Variants in MAP3K1 observed in about 807,000 individuals in gnomAD.
MAP3K1 encodes the protein MAP/ERK kinase kinase 1.
In MAP3K1, 36 loss-of-function variants were observed where a neutral mutation model predicts 144.2. The observed-to-expected ratio is 0.25, with a 90% confidence interval of 0.19 to 0.33. The LOEUF (loss-of-function observed/expected upper bound fraction) is 0.33, where lower values mean the gene tolerates loss of function less well. Ranked by LOEUF, MAP3K1 falls within the 10% of genes least tolerant of loss-of-function variation. The pLI, the probability that MAP3K1 is intolerant of heterozygous loss-of-function variation, is 1.00. For missense variants in MAP3K1, 1,650 were observed against 1,881.9 expected (o/e 0.88, Z 2.28); for synonymous variants, 718 against 688.7 (o/e 1.04, Z -0.67).
chr5:56,867,937 G>A (rs921466852), intron 6 of MAP3K1, among the ~76,000 whole-genome samples: 3 of 152,108 alleles, frequency 2.0e-5, no homozygotes, highest in Non-Finnish European at 4.4e-5. Flanking sequence ...TTTGGAGAAC[G>A]TTGAATGGCC....
At chr5:56,823,254 G>A (rs776211957) in intron 1 of MAP3K1, among the ~76,000 whole-genome samples, 1 of 152,122 alleles carries the variant, frequency 6.6e-6, no homozygotes, top group Non-Finnish European at 1.5e-5. Flanking sequence ...CCCTTGTTCC[G>A]TGGCAGGGTT....
chr5:56,868,308 T>C (rs747738099), intron 6 of MAP3K1, among the ~76,000 whole-genome samples: 18 of 152,126 alleles, frequency 1.2e-4, no homozygotes, highest in Admixed American at 5.9e-4. Flanking sequence ...GTAATTTTGC[T>C]TCAGAAAAAA....
intron 17 of MAP3K1, among the ~76,000 whole-genome samples, chr5:56,886,728 AT>A (rs1748388293): frequency 6.6e-6 from 1 of 152,086 alleles, no homozygotes; most frequent in Non-Finnish European, 1.5e-5. Context: ...TTTAAGAAAA[AT>A]TCCTTCAAAT....
At chr5:56,874,944 G>A (rs185734409) in intron 9 of MAP3K1, 88 bp from the exon 10 acceptor site, 1,020 of 1,325,424 alleles carry the variant, frequency 7.7e-4, no homozygotes, top group Non-Finnish European at 8.9e-4. Flanking sequence ...CAGTTTTTAC[G>A]TAGTAATCAA....
At chr5:56,854,446 A>AAAG (rs1747272824) in intron 1 of MAP3K1, among the ~76,000 whole-genome samples, 1 of 151,276 alleles carries the variant, frequency 6.6e-6, no homozygotes, top group Admixed American at 6.6e-5. Context: ...AAAAAAAAAA[A>AAAG]AAAAGAAAGA....
chr5:56,870,978 A>G (rs1048093478), intron 6 of MAP3K1, among the ~76,000 whole-genome samples: 2 of 152,152 alleles, frequency 1.3e-5, no homozygotes, highest in Admixed American at 1.3e-4. Context: ...TTTCTGTGCC[A>G]TTATCAGGGC....
chr5:56,847,042 T>A (rs1207209238), intron 1 of MAP3K1, among the ~76,000 whole-genome samples: 1 of 152,234 alleles, frequency 6.6e-6, no homozygotes, highest in Admixed American at 6.5e-5. Context: ...ATAACCAAGC[T>A]TTTACACTAC....
chr5:56,887,574 C>T, intron 18 of MAP3K1, 54 bp downstream of exon 18: 1 of 1,581,052 alleles, frequency 6.3e-7, no homozygotes, highest in Non-Finnish European at 8.7e-7. Flanking sequence ...TTCTGTGTAA[C>T]AGCATTATAC....
chr5:56,822,465 G>A (rs1275392485), intron 1 of MAP3K1, among the ~76,000 whole-genome samples: 1 of 152,188 alleles, frequency 6.6e-6, no homozygotes, highest in Non-Finnish European at 1.5e-5. Flanking sequence ...GTCAAATATT[G>A]AGAAAACTGA....
In MAP3K1 at chr5:56,875,330, AATCAT is replaced by A; in HGVS notation, c.1965+26_1965+30del. On this transcript the variant is annotated intron_variant, in intron 10 of 19. Transcript: ENST00000399503. ...GCTTTAGTAAGTAGCTTTATTCCAT[AATCAT>A]ATCATTATGGGTTTGGGGTTTTTTG... 6.2e-7 allele frequency: 1 copy of A among 1,612,884 alleles called. No homozygotes were observed. The highest frequency in any genetic ancestry group is 8.5e-7 in the Non-Finnish European group (1 of 1,179,586).
intron 19 of MAP3K1, among the ~76,000 whole-genome samples, chr5:56,892,763 A>G (rs550122393): frequency 3.9e-4 from 59 of 152,292 alleles, no homozygotes; most frequent in Non-Finnish European, 7.4e-4. Context: ...GAAAGACACT[A>G]TCTCTGCCTG....
chr5:56,833,457 A>T (rs1196280793), intron 1 of MAP3K1, among the ~76,000 whole-genome samples: 1 of 152,150 alleles, frequency 6.6e-6, no homozygotes, highest in Non-Finnish European at 1.5e-5. Context: ...AGCCTTGCAC[A>T]GTAGTAAGGG....
At chr5:56,848,697 A>G (rs534170125) in intron 1 of MAP3K1, among the ~76,000 whole-genome samples, 3 of 152,302 alleles carry the variant, frequency 2.0e-5, no homozygotes, top group African/African-American at 7.2e-5. Context: ...GCTGGAGAAT[A>G]CTTTTAATTT....
chr5:56,857,615 T>A (rs138269203), intron 2 of MAP3K1, among the ~76,000 whole-genome samples: 1 of 152,202 alleles, frequency 6.6e-6, no homozygotes, highest in Non-Finnish European at 1.5e-5. Context: ...ACATTTAAAT[T>A]AATTAGATGT....
rs573243743 is a variant in MAP3K1, at chr5:56,831,524, T to C, written c.482+15469T>C. Among the ~76,000 whole-genome samples the C allele has an allele frequency of 3.9e-5, 6 of 152,354 alleles. No homozygotes were observed. The East Asian group carries it at 7.7e-4, about 20-fold the overall frequency. On this transcript the variant is annotated intron_variant, in intron 1 of 19. Transcript: ENST00000399503. ...TGTTCATTTTGTAATTCGAGTTTAA[T>C]CAGACCAACTATCAGGCAGGCATTT... is the stretch of plus-strand genomic sequence containing the variant.
At position 56,881,453 on chromosome 5, in the gene MAP3K1, C is replaced by T. The variant is rs1561199066; in HGVS notation, c.2370-117C>T. The T allele has an allele frequency of 5.9e-6, 6 of 1,015,568 alleles. No homozygotes were observed. The Admixed American group carries it at 1.0e-4, about 18-fold the overall frequency. 62.9% of individuals were successfully genotyped at this position (1,015,568 alleles called of 1,614,324 possible). On this transcript the variant is annotated intron_variant, in intron 13 of 19. Transcript: ENST00000399503. ...CTCTTTAATTAAAAATTCATAGATA[C>T]TTTATGCTGAAATGGTTTTTGAAGT...
rs1427132805 is a variant in MAP3K1 at position 56,882,438 on chromosome 5, A to G, written c.3238A>G (p.Ser1080Gly). 6.2e-7 allele frequency: 1 copy of G among 1,614,196 alleles called. No individual in the cohort carries two copies. Among genetic ancestry groups the G allele is most frequent in the South Asian group, 1.1e-5 (1 of 91,090 alleles). Residue 1080 changes from serine (S) to glycine (G), a missense_variant, in exon 14 of 20, where the codon AGC (serine) becomes GGC (glycine). Ser to Gly is a moderately conservative substitution (Grantham distance 56, BLOSUM62 0). Transcript: ENST00000399503. ...TSKQGDPSKN[S>G]MTLDLNSSSK... ...TAAACAGGGAGATCCCTCAAAAAAT[A>G]GCATGACACTTGATCTGAACAGTAG...
intron 1 of MAP3K1, chr5:56,820,752 T>G: frequency 5.1e-6 from 5 of 985,428 alleles, no homozygotes; most frequent in Non-Finnish European, 6.0e-6. Flanking sequence ...ATTTATGAAC[T>G]TCTGCAAGGT....
At chr5:56,851,281 T>G (rs1747162551) in intron 1 of MAP3K1, among the ~76,000 whole-genome samples, 3 of 152,208 alleles carry the variant, frequency 2.0e-5, no homozygotes, top group Non-Finnish European at 4.4e-5. Context: ...AAATGTCCCC[T>G]GTGTGCCAGG....
Sources: allele counts gnomAD v4.1 joint callset (sites outside exome capture counted in the v4.1 genomes callset), GRCh38; gene constraint gnomAD v4.1.1; transcripts MANE v1.5; gene names NCBI Gene and HGNC (gene_info 2026-07-23, HGNC 2026-07-21).